C21orf58: variants seen among roughly 807,000 people sequenced by gnomAD.
The protein encoded by C21orf58 is uncharacterized protein C21orf58.
A neutral mutation model predicts 35.8 loss-of-function variants in C21orf58; 34 were observed. The ratio of observed to expected loss-of-function variants is 0.95; its 90% CI spans 0.72 to 1.26. The LOEUF (loss-of-function observed/expected upper bound fraction) is 1.26, where lower values mean the gene tolerates loss of function less well. Ranked by LOEUF, C21orf58 falls within the 50% of genes most tolerant of loss-of-function variation. The pLI, the probability that C21orf58 is intolerant of heterozygous loss-of-function variation, is 0.00. For synonymous variants in C21orf58, 191 were observed against 175.8 expected, an observed-to-expected ratio of 1.09 and a Z score of -0.68; for missense variants, 440 against 414.3, an observed-to-expected ratio of 1.06 and a Z score of -0.54.
rs185170770 is a variant in C21orf58 at position 46,322,461 on chromosome 21, G to A, written c.100+178C>T. On this transcript the variant is annotated intron_variant, in intron 1 of 7. Coordinates refer to ENST00000291691, the MANE Select transcript of C21orf58 (RefSeq NM_058180.5). Reference sequence around the variant, plus strand: ...GTATTGTAACACGTAACAGTTGTGAGATTCAGGCGCGGTCTGGGTCTCTGT... The same window carrying A: ...GTATTGTAACACGTAACAGTTGTGAAATTCAGGCGCGGTCTGGGTCTCTGT... 269 of 985,346 alleles carry A rather than the reference G, an allele frequency of 2.7e-4. 2 individuals carry two copies. In the African/African-American group the frequency reaches 4.2e-3, roughly 16 times the overall value. 61.0% of individuals were successfully genotyped at this position (985,346 alleles called of 1,614,324 possible).
At chr21:46,317,835 A>T (rs1373594184) in intron 2 of C21orf58, among the ~76,000 whole-genome samples, 177 bp downstream of exon 2, 1 of 152,208 alleles carries the variant, frequency 6.6e-6, no homozygotes. Context: ...GTCATGGGCC[A>T]CCCAGACCCT....
At chr21:46,315,022 C>A (rs978680347) in intron 4 of C21orf58, 142 bp from the exon 5 acceptor site, 21 of 1,546,696 alleles carry the variant, frequency 1.4e-5, no homozygotes, top group Non-Finnish European at 1.7e-5. Context: ...GAAGACCCTT[C>A]CAGGGTTATG....
In C21orf58 at chr21:46,301,420, T is replaced by G; in HGVS notation, c.*579A>C. 1 of 955,316 alleles carries G rather than the reference T, an allele frequency of 1.0e-6. No individual in the cohort carries two copies. Among genetic ancestry groups the G allele is most frequent in the Middle Eastern group, 5.4e-4 (1 of 1,868 alleles). The allele number at this position is 955,316 out of a possible 1,614,324, so 59.2% of individuals were successfully genotyped here. A position where few individuals can be genotyped will look rare whatever the true frequency, so the allele number is the denominator to read the frequency against. On this transcript the variant is annotated 3_prime_UTR_variant, in exon 8 of 8. Transcript: ENST00000291691. ...CCTCAGCCTCTTAAAGTGCTGGGAT[T>G]ACAGGCATGAGCCATGCACCCCTAC...
intron 3 of C21orf58, among the ~76,000 whole-genome samples, chr21:46,316,513 C>T (rs147724038): frequency 1.3e-5 from 2 of 152,248 alleles, no homozygotes; most frequent in East Asian, 1.9e-4. Context: ...GAGAAGGCTC[C>T]GGAAGGTGGG....
rs1601717811 is a variant in C21orf58, at chr21:46,322,862, C to T, written c.-124G>A. The T allele has an allele frequency of 1.6e-6, 1 of 622,970 alleles. No individual in the cohort carries two copies. The highest frequency in any genetic ancestry group is 3.3e-5 in the East Asian group (1 of 30,712). 38.6% of individuals were successfully genotyped at this position (622,970 alleles called of 1,614,324 possible). On this transcript the variant is annotated 5_prime_UTR_variant, in exon 1 of 8. Coordinates refer to ENST00000291691, the MANE Select transcript of C21orf58 (RefSeq NM_058180.5). ...GTTGCTGAGGAGGCTGCAAGGTGAG[C>T]TTGCGTCAGCGAGGAGCCACTCCAG...
chr21:46,302,306 A>G (rs1052637953), intron 7 of C21orf58, 152 bp from the exon 8 acceptor site: 2 of 1,329,244 alleles, frequency 1.5e-6, no homozygotes, highest in Non-Finnish European at 2.0e-6. Flanking sequence ...CCCGCCCCAA[A>G]TTGTGCAACC....
Position 46,301,719 on chromosome 21 carries a change from G to A in C21orf58, c.*280C>T, listed in dbSNP as rs1266794235. ...CCAGGTGGGCCGGCGCCGCCCTACAGGAAAGGAGGGGTCCCTGGGAGGGGC... is the reference window on the plus strand; with the variant it reads ...CCAGGTGGGCCGGCGCCGCCCTACAAGAAAGGAGGGGTCCCTGGGAGGGGC... On this transcript the variant is annotated 3_prime_UTR_variant, in exon 8 of 8. Transcript: ENST00000291691. The A allele has an allele frequency of 2.5e-6, 3 of 1,197,466 alleles. No individual in the cohort carries two copies. The highest frequency in any genetic ancestry group is 7.0e-5 in the East Asian group (2 of 28,512). 74.2% of individuals were successfully genotyped at this position (1,197,466 alleles called of 1,614,324 possible).
chr21:46,322,083 G>A (rs2083179458), intron 1 of C21orf58, among the ~76,000 whole-genome samples: 1 of 152,026 alleles, frequency 6.6e-6, no homozygotes, highest in African/African-American at 2.4e-5. Context: ...GAGCCCAGGA[G>A]TTCAAGACCA....
chr21:46,306,441 T>C (rs73371913), intron 6 of C21orf58, among the ~76,000 whole-genome samples: 16,311 of 151,920 alleles, frequency 0.11, 2,517 homozygotes, highest in African/African-American at 0.34. Context: ...GGAGGTTGCA[T>C]TGAGCTGAGA....
Position 46,301,682 on chromosome 21 carries a change from G to C in C21orf58, c.*317C>G. On this transcript the variant is annotated 3_prime_UTR_variant, in exon 8 of 8. Coordinates refer to ENST00000291691, the MANE Select transcript of C21orf58 (RefSeq NM_058180.5). ...CTTTACCTCCGTGATGGAAGAGGGG[G>C]ATCTGAGGCTCCCAGGTGGGCCGGC... The C allele has an allele frequency of 8.7e-7, 1 of 1,144,220 alleles. No individual in the cohort carries two copies. The highest frequency in any genetic ancestry group is 1.6e-5 in the African/African-American group (1 of 62,604). 70.9% of individuals were successfully genotyped at this position (1,144,220 alleles called of 1,614,324 possible).
intron 1 of C21orf58, among the ~76,000 whole-genome samples, chr21:46,322,180 A>G (rs535528918): frequency 6.6e-6 from 1 of 151,958 alleles, no homozygotes; most frequent in Non-Finnish European, 1.5e-5. Context: ...CCAGCTGCTC[A>G]GGAGGCTGAC....
chr21:46,305,697 T>C (rs2082384453), intron 6 of C21orf58, among the ~76,000 whole-genome samples: 1 of 152,090 alleles, frequency 6.6e-6, no homozygotes, highest in Admixed American at 6.6e-5. Flanking sequence ...CCCAGAACTT[T>C]GGGAGGCTGA....
At chr21:46,321,856 G>A (rs975177766) in intron 1 of C21orf58, among the ~76,000 whole-genome samples, 7 of 146,626 alleles carry the variant, frequency 4.8e-5, no homozygotes, top group African/African-American at 7.6e-5. Context: ...GGGGAGTTAC[G>A]TTTCCCTCCT....
chr21:46,314,118 T>A (rs892721589), intron 5 of C21orf58, among the ~76,000 whole-genome samples: 1 of 152,082 alleles, frequency 6.6e-6, no homozygotes, highest in Non-Finnish European at 1.5e-5. Context: ...AAGCATCTCC[T>A]GGGCATGATA....
chr21:46,307,145 T>C (rs2082456901), intron 6 of C21orf58, among the ~76,000 whole-genome samples: 1 of 146,812 alleles, frequency 6.8e-6, no homozygotes, highest in African/African-American at 2.5e-5. Flanking sequence ...ATCCAGCCTC[T>C]TTAGCCTCCC....
chr21:46,308,261 G>C (rs942895846), intron 6 of C21orf58, among the ~76,000 whole-genome samples: 6 of 152,086 alleles, frequency 3.9e-5, no homozygotes, highest in African/African-American at 1.4e-4. Flanking sequence ...AGGAGTTCGA[G>C]ACCAGCCTGG....
rs2082134238 is a variant in C21orf58 at position 46,302,172 on chromosome 21, GC to G, written c.814-19del. 6.8e-7 allele frequency: 1 copy of G among 1,463,980 alleles called. No individual in the cohort carries two copies. Among genetic ancestry groups the G allele is most frequent in the African/African-American group, 1.4e-5 (1 of 70,954 alleles). 90.7% of individuals were successfully genotyped at this position (1,463,980 alleles called of 1,614,324 possible). The stretch of plus-strand genomic sequence containing the variant: ...GGCGGGTCCTGCCACAGACGCACCT[GC>G]TGCTTAGGACGCAGCCCAGGCTGCT... On this transcript the variant is annotated intron_variant, in intron 7 of 7. Transcript: ENST00000291691.
At chr21:46,309,014 T>G (rs1240139829) in intron 6 of C21orf58, among the ~76,000 whole-genome samples, 1 of 152,160 alleles carries the variant, frequency 6.6e-6, no homozygotes, top group Non-Finnish European at 1.5e-5. Flanking sequence ...TGAATTTCTT[T>G]TCTCTATAAA....
At chr21:46,307,439 C>A (rs2082472017) in intron 6 of C21orf58, among the ~76,000 whole-genome samples, 2 of 152,182 alleles carry the variant, frequency 1.3e-5, no homozygotes, top group South Asian at 4.1e-4. Flanking sequence ...AGCATAGGCA[C>A]ACACACACCC....
Sources: gnomAD v4.1 joint callset for allele counts (sites outside exome capture counted in the v4.1 genomes callset) on GRCh38, gnomAD v4.1.1 for gene constraint, MANE v1.5 for transcripts, NCBI Gene and HGNC (gene_info 2026-07-23, HGNC 2026-07-21) for gene names.